NTM: variants seen among roughly 807,000 people sequenced by gnomAD.
The protein encoded by NTM is IgLON family member 2.
Under a neutral mutation model 42.1 loss-of-function variants are expected in NTM, and 13 were observed. The observed-to-expected ratio is 0.31, with a 90% CI of 0.20 to 0.49. The LOEUF (loss-of-function observed/expected upper bound fraction) is 0.49, where lower values mean the gene tolerates loss of function less well. Ranked by LOEUF, NTM falls within the 20% of genes least tolerant of loss-of-function variation. NTM has a pLI of 0.99. For missense variants in NTM, 373 were observed against 452.8 expected (o/e 0.82, Z 1.60); for synonymous variants, 187 against 179.2 (o/e 1.04, Z -0.35).
intron 1 of NTM, among the ~76,000 whole-genome samples, chr11:131,773,788 T>A (rs758255845): frequency 1.2e-4 from 18 of 152,216 alleles, no homozygotes; most frequent in Non-Finnish European, 2.2e-4. Flanking sequence ...CAGGAGTGGT[T>A]AGTAACCTGA....
chr11:132,001,544 G>A (rs1478531669), intron 2 of NTM, among the ~76,000 whole-genome samples: 3 of 152,080 alleles, frequency 2.0e-5, no homozygotes, highest in African/African-American at 7.2e-5. Flanking sequence ...AAGGTAAAGG[G>A]GAAGCAAGTA....
chr11:132,271,029 T>TCC (rs2093451177), intron 4 of NTM, among the ~76,000 whole-genome samples: 1 of 152,140 alleles, frequency 6.6e-6, no homozygotes, highest in Non-Finnish European at 1.5e-5. Flanking sequence ...AATGTTATCA[T>TCC]CCCCAACAGA....
chr11:131,569,180 C>T (rs187695761), intron 1 of NTM, among the ~76,000 whole-genome samples: 4 of 148,840 alleles, frequency 2.7e-5, no homozygotes, highest in South Asian at 4.2e-4. Flanking sequence ...GTTTCGCTCT[C>T]GTCACCCAGG....
intron 2 of NTM, among the ~76,000 whole-genome samples, chr11:131,913,657 G>A (rs2055729324): frequency 6.6e-6 from 1 of 152,078 alleles, no homozygotes; most frequent in Non-Finnish European, 1.5e-5. Flanking sequence ...ATGTTTGTTT[G>A]CATTTTCACA....
intron 1 of NTM, among the ~76,000 whole-genome samples, chr11:131,837,961 C>T (rs1266880551): frequency 3.3e-5 from 5 of 152,244 alleles, no homozygotes; most frequent in African/African-American, 1.2e-4. Flanking sequence ...GACAGGTTGG[C>T]CTAATATATT....
intron 2 of NTM, among the ~76,000 whole-genome samples, chr11:132,016,382 G>A (rs764705280): frequency 1.3e-5 from 2 of 151,738 alleles, no homozygotes; most frequent in African/African-American, 2.4e-5. Context: ...CCACTGATAT[G>A]ATTTCTGTAT....
chr11:131,548,302 A>T (rs924305370), intron 1 of NTM, among the ~76,000 whole-genome samples: 3 of 152,028 alleles, frequency 2.0e-5, no homozygotes, highest in African/African-American at 7.3e-5. Flanking sequence ...TTCCAAGTCG[A>T]TCTTATCCAG....
At chr11:132,137,946 C>T in intron 2 of NTM, among the ~76,000 whole-genome samples, 1 of 152,208 alleles carries the variant, frequency 6.6e-6, no homozygotes, top group East Asian at 1.9e-4. Flanking sequence ...TAAATTTTCT[C>T]TTCTACCCAT....
intron 1 of NTM, among the ~76,000 whole-genome samples, chr11:131,429,011 T>C (rs1431544739): frequency 1.3e-5 from 2 of 151,874 alleles, no homozygotes; most frequent in East Asian, 1.9e-4. Context: ...GCCGAGATCG[T>C]GCAGCTGCAC....
intron 1 of NTM, among the ~76,000 whole-genome samples, chr11:131,543,115 C>T (rs996142558): frequency 6.6e-6 from 1 of 152,182 alleles, no homozygotes; most frequent in Non-Finnish European, 1.5e-5. Flanking sequence ...CCTTAAGTCT[C>T]TTGTGTGTCC....
intron 6 of NTM, among the ~76,000 whole-genome samples, chr11:132,312,036 T>G (rs959416648): frequency 1.3e-5 from 2 of 152,180 alleles, no homozygotes; most frequent in African/African-American, 4.8e-5. Flanking sequence ...AGTGGTTTAG[T>G]CAGTTTTCCC....
chr11:132,279,880 T>G (rs529059248), intron 4 of NTM, among the ~76,000 whole-genome samples: 1 of 152,338 alleles, frequency 6.6e-6, no homozygotes, highest in Non-Finnish European at 1.5e-5. Context: ...GAACTCTCTG[T>G]GGGCTGTCCA....
intron 1 of NTM, among the ~76,000 whole-genome samples, chr11:131,467,317 G>A (rs892286123): frequency 1.3e-5 from 2 of 152,144 alleles, no homozygotes; most frequent in African/African-American, 4.8e-5. Flanking sequence ...CATTTCCACG[G>A]GAGATGAGTA....
intron 1 of NTM, among the ~76,000 whole-genome samples, chr11:131,457,618 G>A (rs1393403577): frequency 6.6e-6 from 1 of 152,190 alleles, no homozygotes; most frequent in East Asian, 1.9e-4. Flanking sequence ...GTAGCAAAAC[G>A]GATACGTTAA....
chr11:132,107,634 T>C (rs2062577929), intron 2 of NTM, among the ~76,000 whole-genome samples: 1 of 152,118 alleles, frequency 6.6e-6, no homozygotes, highest in African/African-American at 2.4e-5. Context: ...TCTCCAAAAG[T>C]GCTCAGATTA....
At chr11:131,788,672 G>T (rs563346767) in intron 1 of NTM, among the ~76,000 whole-genome samples, 1 of 152,162 alleles carries the variant, frequency 6.6e-6, no homozygotes, top group East Asian at 1.9e-4. Flanking sequence ...TCCCTCATTA[G>T]ATGTAATATT....
At chr11:131,387,628 A>G (rs528422842) in intron 1 of NTM, among the ~76,000 whole-genome samples, 1 of 152,348 alleles carries the variant, frequency 6.6e-6, no homozygotes, top group South Asian at 2.1e-4. Flanking sequence ...AAGGCTTGAA[A>G]TGTTTCTCCC....
At chr11:132,107,415 G>T (rs1258294952) in intron 2 of NTM, among the ~76,000 whole-genome samples, 3 of 140,162 alleles carry the variant, frequency 2.1e-5, no homozygotes, top group South Asian at 2.3e-4. Flanking sequence ...CAGTGGTATG[G>T]TCAGAACCCA....
intron 2 of NTM, among the ~76,000 whole-genome samples, chr11:132,033,112 T>A (rs1314486810): frequency 6.6e-6 from 1 of 152,172 alleles, no homozygotes; most frequent in African/African-American, 2.4e-5. Flanking sequence ...GCAAAAGCTT[T>A]TTCTTTGTGC....
Sources: gnomAD v4.1 joint callset for allele counts (sites outside exome capture counted in the v4.1 genomes callset) on GRCh38, gnomAD v4.1.1 for gene constraint, MANE v1.5 for transcripts, NCBI Gene and HGNC (gene_info 2026-07-23, HGNC 2026-07-21) for gene names.